HMGCLL1: variants seen among roughly 807,000 people sequenced by gnomAD.
HMGCLL1 encodes the protein 3-hydroxymethyl-3-methylglutaryl-CoA lyase, cytoplasmic.
HMGCLL1 carries 36 observed loss-of-function variants against 39.1 expected under a neutral mutation model. The observed-to-expected ratio is 0.92, with a 90% CI of 0.71 to 1.22. HMGCLL1 has a LOEUF of 1.22. Among genes scored for constraint, HMGCLL1 ranks in the 50% most tolerant of loss-of-function variants. HMGCLL1 has a pLI of 0.00. For missense variants in HMGCLL1, 451 were observed against 416.5 expected (o/e 1.08, Z -0.72); for synonymous variants, 149 against 144.0 (o/e 1.03, Z -0.25).
rs1763342087 is a variant in HMGCLL1 at position 55,435,701 on chromosome 6, G to C, written c.984C>G (p.Thr328=). The C allele has an allele frequency of 1.9e-6, 3 of 1,604,964 alleles. No individual in the cohort carries two copies. Among genetic ancestry groups the C allele is most frequent in the Non-Finnish European group, 2.6e-6 (3 of 1,174,288 alleles). Residue 328 remains threonine (T), a synonymous_variant, in exon 9 of 9, where the codon ACC becomes ACG. Coordinates refer to ENST00000274901, the MANE Select transcript of HMGCLL1 (RefSeq NM_001042406.2). ...GDFICKAVNK[T]TNSKVAQASF... ...AGGCTTGTGCTACTTTAGAGTTTGT[G>C]GTTTTATTCACAGCTTTGCAAATAA... is the stretch of plus-strand genomic sequence containing the variant.
At chr6:55,542,784 A>C (rs1056175852) in intron 1 of HMGCLL1, among the ~76,000 whole-genome samples, 70 of 115,924 alleles carry the variant, frequency 6.0e-4, no homozygotes, top group African/African-American at 1.9e-3. Flanking sequence ...ATCTCAAAAA[A>C]TATATATACC....
At chr6:55,663,578 G>A in the HMGCLL1 span, among the ~76,000 whole-genome samples, 1 of 151,860 alleles carries the variant, frequency 6.6e-6, no homozygotes, top group African/African-American at 2.4e-5. Context: ...ATTTGCTGAG[G>A]ATTGTTTTAC....
At chr6:55,646,673 T>G in the HMGCLL1 span, among the ~76,000 whole-genome samples, 1 of 152,036 alleles carries the variant, frequency 6.6e-6, no homozygotes, top group Non-Finnish European at 1.5e-5. Context: ...AGGATTATAT[T>G]GTTTAATTTC....
intron 8 of HMGCLL1, among the ~76,000 whole-genome samples, chr6:55,436,258 C>T (rs747090605): frequency 1.6e-4 from 25 of 151,670 alleles, no homozygotes; most frequent in Non-Finnish European, 2.4e-4. Flanking sequence ...TAAACCAAGG[C>T]CAGAAATACT....
intron 7 of HMGCLL1, among the ~76,000 whole-genome samples, chr6:55,462,925 GGT>G (rs1764637241): frequency 1.3e-5 from 2 of 151,960 alleles, no homozygotes; most frequent in Non-Finnish European, 2.9e-5. Context: ...GTGCATGAAA[GGT>G]ACAAGGAATC....
At chr6:55,500,789 A>G (rs745989063) in intron 5 of HMGCLL1, among the ~76,000 whole-genome samples, 2 of 151,994 alleles carry the variant, frequency 1.3e-5, no homozygotes, top group Non-Finnish European at 2.9e-5. Flanking sequence ...GAAGGTGGCT[A>G]AGGATGGAAA....
At chr6:55,635,396 C>T in the HMGCLL1 span, among the ~76,000 whole-genome samples, 130 of 151,894 alleles carry the variant, frequency 8.6e-4, no homozygotes, top group Middle Eastern at 3.4e-3. Context: ...ATGGCCAAGA[C>T]CTGACTGTTT....
In HMGCLL1 at chr6:55,532,871, A is replaced by G. The variant is rs1768770677; in HGVS notation, c.297+8858T>C. Among the ~76,000 whole-genome samples, 5 of 150,070 alleles carry G rather than the reference A, an allele frequency of 3.3e-5. No individual in the cohort carries two copies. The South Asian group carries it at 8.4e-4, about 25-fold the overall frequency. ...AATAATAATAGTTTCCACCATCCCA[A>G]CAAAAACAGTGTTAACATTTCCATA... is the stretch of plus-strand genomic sequence containing the variant. On this transcript the variant is annotated intron_variant, in intron 3 of 8. Transcript: ENST00000274901.
intron 7 of HMGCLL1, among the ~76,000 whole-genome samples, chr6:55,442,744 T>C (rs974983462): frequency 6.6e-6 from 1 of 152,178 alleles, no homozygotes; most frequent in South Asian, 2.1e-4. Context: ...AGCTTAGTCA[T>C]ATTCAGCAGT....
chr6:55,542,210 A>G, intron 1 of HMGCLL1, 70 bp from the exon 2 acceptor site: 1 of 943,766 alleles, frequency 1.1e-6, no homozygotes, highest in South Asian at 1.5e-5. Context: ...TTGAAAAGTT[A>G]AACAACTGCA....
chr6:55,663,390 T>C, the HMGCLL1 span, among the ~76,000 whole-genome samples: 1 of 151,854 alleles, frequency 6.6e-6, no homozygotes, highest in Non-Finnish European at 1.5e-5. Flanking sequence ...TTTATCTTTG[T>C]TCTCATTAGT....
intron 7 of HMGCLL1, among the ~76,000 whole-genome samples, chr6:55,484,367 G>A (rs930151598): frequency 2.6e-5 from 4 of 151,380 alleles, no homozygotes; most frequent in East Asian, 3.9e-4. Flanking sequence ...GGAATGTCTC[G>A]GTGCCCCATT....
intron 5 of HMGCLL1, among the ~76,000 whole-genome samples, chr6:55,511,224 C>T (rs1042166776): frequency 1.3e-5 from 2 of 152,060 alleles, no homozygotes; most frequent in Non-Finnish European, 2.9e-5. Flanking sequence ...ATGAACTGCA[C>T]ATTAAAAAAT....
intron 1 of HMGCLL1, among the ~76,000 whole-genome samples, chr6:55,542,853 ATATATATT>A (rs1160615050): frequency 7.9e-6 from 1 of 126,270 alleles, no homozygotes; most frequent in Non-Finnish European, 1.6e-5. Flanking sequence ...ATATAAATAT[ATATATATT>A]TATATATTTT....
At chr6:55,593,522 A>G in the HMGCLL1 span, among the ~76,000 whole-genome samples, 10 of 152,204 alleles carry the variant, frequency 6.6e-5, no homozygotes, top group Non-Finnish European at 1.2e-4. Context: ...AAATTATCAC[A>G]CAGCATAATT....
chr6:55,596,096 G>A, the HMGCLL1 span, among the ~76,000 whole-genome samples: 5 of 152,178 alleles, frequency 3.3e-5, no homozygotes, highest in African/African-American at 1.2e-4. Context: ...AGGCCAAGAG[G>A]GGTGGATCAC....
chr6:55,612,200 T>C, the HMGCLL1 span, among the ~76,000 whole-genome samples: 5 of 152,080 alleles, frequency 3.3e-5, no homozygotes, highest in Non-Finnish European at 5.9e-5. Flanking sequence ...CCATTCATAA[T>C]TGTTACAAAG....
rs1405732276 is a variant in HMGCLL1 at position 55,543,194 on chromosome 6, T to TCA, written c.109-1055_109-1054insTG. 2.2e-3 allele frequency among the ~76,000 whole-genome samples: 26 copies of TCA among 11,578 alleles called. 8 individuals carry two copies. The highest frequency in any genetic ancestry group is 0.014 in the Admixed American group (6 of 418). 7.6% of individuals were successfully genotyped at this position (11,578 alleles called of 152,430 possible). On this transcript the variant is annotated intron_variant, in intron 1 of 8. Coordinates refer to ENST00000274901, the MANE Select transcript of HMGCLL1 (RefSeq NM_001042406.2). ...TATATAATATATAATATATAATATA[T>TCA]TATATATTATATATTATATATTATA...
At chr6:55,476,924 G>C (rs1260174326) in intron 7 of HMGCLL1, among the ~76,000 whole-genome samples, 2 of 143,270 alleles carry the variant, frequency 1.4e-5, no homozygotes, top group African/African-American at 5.4e-5. Context: ...ATCACACGGG[G>C]CCTCTACAAC....
Sources: allele counts gnomAD v4.1 joint callset (sites outside exome capture counted in the v4.1 genomes callset), GRCh38; gene constraint gnomAD v4.1.1; transcripts MANE v1.5; gene names NCBI Gene and HGNC (gene_info 2026-07-23, HGNC 2026-07-21).